MRPS22: variants seen among roughly 807,000 people sequenced by gnomAD.
The protein encoded by MRPS22 is small ribosomal subunit protein mS22.
A neutral mutation model predicts 44.0 loss-of-function variants in MRPS22; 30 were observed. The ratio of observed to expected loss-of-function variants is 0.68; its 90% CI spans 0.51 to 0.93. The LOEUF (loss-of-function observed/expected upper bound fraction) is 0.93. Ranked by LOEUF, MRPS22 falls within the 40% of genes least tolerant of loss-of-function variation. The pLI is 0.00. For missense variants in MRPS22, 447 were observed against 447.8 expected (o/e 1.00, Z 0.02); for synonymous variants, 165 against 154.4 (o/e 1.07, Z -0.51).
chr3:139,350,657 A>G (rs905727856), intron 4 of MRPS22: 23 of 363,820 alleles, frequency 6.3e-5, no homozygotes, highest in African/African-American at 5.6e-4. Context: ...TGAACTCCTG[A>G]CCTCGGGATT....
intron 3 of MRPS22, chr3:139,349,477 C>A: frequency 4.0e-6 from 1 of 247,336 alleles, no homozygotes. Context: ...CCATGTATGC[C>A]ACTCCCGGTA....
intron 5 of MRPS22, 66 bp downstream of exon 5, chr3:139,351,126 C>G: frequency 1.6e-6 from 2 of 1,226,432 alleles, no homozygotes; most frequent in South Asian, 2.4e-5. Context: ...TTTAATCTAG[C>G]TCAATGAATT....
Position 139,348,141 on chromosome 3 carries a change from A to G in MRPS22, c.340-19A>G. On this transcript the variant is annotated intron_variant, in intron 2 of 7. Transcript: ENST00000680020. Reference sequence around the variant, plus strand: ...ATGTAACCTTGTGGCTTTCCTTAATAAATATTTTCTTTCATTAGGCTACAA... The same window carrying G: ...ATGTAACCTTGTGGCTTTCCTTAATGAATATTTTCTTTCATTAGGCTACAA... The G allele has an allele frequency of 6.2e-7, 1 of 1,613,140 alleles. No homozygotes were observed. The highest frequency in any genetic ancestry group is 8.5e-7 in the Non-Finnish European group (1 of 1,179,414).
In MRPS22 at chr3:139,344,210, T is replaced by A. The variant is rs1940992023; in HGVS notation, c.172+12T>A. On this transcript the variant is annotated intron_variant, in intron 1 of 7. Transcript: ENST00000680020. ...CAGCTCCGAGGCCGGTAAGTGACCT[T>A]CCGGACTTTCGCTGGGGCGTTCTTC... The A allele has an allele frequency of 6.3e-7, 1 of 1,596,912 alleles. No homozygotes were observed. The highest frequency in any genetic ancestry group is 8.5e-7 in the Non-Finnish European group (1 of 1,172,916).
intron 7 of MRPS22, among the ~76,000 whole-genome samples, chr3:139,356,562 A>C (rs908803142): frequency 1.3e-5 from 2 of 152,198 alleles, no homozygotes; most frequent in Non-Finnish European, 2.9e-5. Context: ...TTTTGGAGAA[A>C]ATATTCTTTA....
intron 4 of MRPS22, chr3:139,350,636 C>T: frequency 2.4e-6 from 1 of 420,620 alleles, no homozygotes; most frequent in Non-Finnish European, 4.4e-6. Context: ...CCATGTTGGC[C>T]AGGCTGGTCT....
intron 6 of MRPS22, among the ~76,000 whole-genome samples, chr3:139,355,163 A>C (rs1012235743): frequency 6.6e-6 from 1 of 152,110 alleles, no homozygotes; most frequent in Non-Finnish European, 1.5e-5. Context: ...GTTCCTGTGA[A>C]TCCTTTCCTT....
chr3:139,350,443 T>G (rs1941124292), intron 4 of MRPS22, 121 bp downstream of exon 4: 2 of 1,217,644 alleles, frequency 1.6e-6, no homozygotes, highest in African/African-American at 3.0e-5. Flanking sequence ...TTTTTTTTTT[T>G]TGAAATGGAG....
intron 5 of MRPS22, 91 bp downstream of exon 5, chr3:139,351,151 G>A (rs1021890658): frequency 1.9e-5 from 18 of 947,552 alleles, no homozygotes; most frequent in Non-Finnish European, 2.9e-5. Context: ...TGTAAGTTTT[G>A]ATACAGGGGA....
Position 139,350,338 on chromosome 3 carries a change from T to A in MRPS22, c.648+16T>A. ...AAATCTTAGGGTAAGGTGACTTAGGTTTTATGTTTTAGAGCCAGTGGTGAT... is the reference window on the plus strand; with the variant it reads ...AAATCTTAGGGTAAGGTGACTTAGGATTTATGTTTTAGAGCCAGTGGTGAT... On this transcript the variant is annotated intron_variant, in intron 4 of 7. Transcript: ENST00000680020. 1 of 1,613,372 alleles carries A rather than the reference T, an allele frequency of 6.2e-7. No homozygotes were observed. The highest frequency in any genetic ancestry group is 1.1e-5 in the South Asian group (1 of 91,038).
At position 139,344,532 on chromosome 3, in the gene MRPS22, G is replaced by A. The variant is rs1405065874; in HGVS notation, c.172+334G>A. The A allele has an allele frequency of 1.5e-5, 9 of 609,934 alleles. No individual in the cohort carries two copies. The African/African-American group carries it at 1.5e-4, about 10-fold the overall frequency. The allele number at this position is 609,934 out of a possible 1,614,324, so 37.8% of individuals were successfully genotyped here. A position where few individuals can be genotyped will look rare whatever the true frequency, so the allele number is the denominator to read the frequency against. ...GCAGTGTGACCCGGGTTGTTATAGG[G>A]GACGCACACAGGAGAGGCACTCAAA... On this transcript the variant is annotated intron_variant, in intron 1 of 7. Transcript: ENST00000680020.
At chr3:139,350,036 G>T in intron 3 of MRPS22, 143 bp from the exon 4 acceptor site, 1 of 944,122 alleles carries the variant, frequency 1.1e-6, no homozygotes, top group Admixed American at 2.2e-5. Flanking sequence ...AGTCTTTGAG[G>T]TTTAAAATTA....
Position 139,350,275 on chromosome 3 carries a change from G to A in MRPS22, c.601G>A (p.Gly201Ser), listed in dbSNP as rs1941120739. 6.2e-7 allele frequency: 1 copy of A among 1,614,104 alleles called. No individual in the cohort carries two copies. The highest frequency in any genetic ancestry group is 8.5e-7 in the Non-Finnish European group (1 of 1,180,008). The change falls in exon 4 of 8, where the codon GGT (glycine) becomes AGT (serine). Residue 201 changes from glycine to serine, a missense_variant. Gly to Ser is a moderately conservative substitution (Grantham distance 56). Coordinates refer to ENST00000680020, the MANE Select transcript of MRPS22 (RefSeq NM_020191.4). ...GATACAAGTTTATTTCCCAAAAGAA[G>A]GTCGTAAAATTTTGACACCAATAAT... ...RMIQVYFPKE[G>S]RKILTPIIFK...
intron 6 of MRPS22, among the ~76,000 whole-genome samples, chr3:139,354,788 T>A (rs2107791439): frequency 6.6e-6 from 1 of 152,234 alleles, no homozygotes; most frequent in African/African-American, 2.4e-5. Flanking sequence ...CAGCCCTCCA[T>A]TCCCAACTGG....
At chr3:139,355,951 G>A (rs1941248330) in intron 7 of MRPS22, among the ~76,000 whole-genome samples, 161 bp downstream of exon 7, 1 of 151,966 alleles carries the variant, frequency 6.6e-6, no homozygotes, top group Admixed American at 6.6e-5. Flanking sequence ...TCTTCAGCCT[G>A]GACAATAGAA....
intron 6 of MRPS22, among the ~76,000 whole-genome samples, chr3:139,354,344 C>T (rs1039463864): frequency 1.3e-5 from 2 of 152,134 alleles, no homozygotes; most frequent in Non-Finnish European, 2.9e-5. Context: ...CTGTGAGGCA[C>T]AGGCATTATA....
chr3:139,351,139 GT>G, intron 5 of MRPS22, 79 bp downstream of exon 5: 6 of 1,133,424 alleles, frequency 5.3e-6, no homozygotes, highest in Middle Eastern at 2.0e-4. Flanking sequence ...AATGAATTTC[GT>G]TGTAAGTTTT....
At chr3:139,350,581 C>A in intron 4 of MRPS22, 1 of 464,290 alleles carries the variant, frequency 2.2e-6, no homozygotes. Flanking sequence ...GCGCCCGCCA[C>A]CACGCTTGGC....
At chr3:139,355,585 T>C in intron 6 of MRPS22, 97 bp from the exon 7 acceptor site, 2 of 978,418 alleles carry the variant, frequency 2.0e-6, no homozygotes, top group Non-Finnish European at 3.2e-6. Context: ...GAGGAAAGTC[T>C]GAAATGTAAT....
Sources: allele counts gnomAD v4.1 joint callset (sites outside exome capture counted in the v4.1 genomes callset), GRCh38; gene constraint gnomAD v4.1.1; transcripts MANE v1.5; gene names NCBI Gene and HGNC (gene_info 2026-07-23, HGNC 2026-07-21).